ATAD3C: variants seen among roughly 807,000 people sequenced by gnomAD.
ATAD3C encodes ATPase family AAA domain-containing protein 3C.
A neutral mutation model predicts 46.3 loss-of-function variants in ATAD3C; 38 were observed. That is an observed-to-expected ratio of 0.82 (90% confidence interval 0.63 to 1.08). ATAD3C has a LOEUF of 1.08. ATAD3C is among the 50% of genes least tolerant of loss of function. The pLI is 0.00. For missense variants in ATAD3C, 563 were observed against 572.7 expected (o/e 0.98, Z 0.17); for synonymous variants, 220 against 236.4 (o/e 0.93, Z 0.63).
At chr1:1,467,519 T>C (rs1234338101) in intron 11 of ATAD3C, among the ~76,000 whole-genome samples, 5 of 152,024 alleles carry the variant, frequency 3.3e-5, no homozygotes, top group Non-Finnish European at 7.4e-5. Context: ...GTCATCCCCA[T>C]GGCAGGTTCT....
Position 1,459,099 on chromosome 1 carries a change from C to G in ATAD3C, c.742-62C>G, listed in dbSNP as rs1639015073. On this transcript the variant is annotated intron_variant, in intron 8 of 11. Transcript: ENST00000378785. This position sits in a 1 kb window ranked among gnomAD's most constrained non-coding sequence, Gnocchi z 4.9. ...GCAGGAGGGAGGCCTGTGGGACTTT[C>G]TGCTGTGGCTGTTTACAAGGCTTTG... 6.4e-7 allele frequency: 1 copy of G among 1,552,672 alleles called. No individual in the cohort carries two copies. The highest frequency in any genetic ancestry group is 8.7e-7 in the Non-Finnish European group (1 of 1,151,520).
intron 4 of ATAD3C, among the ~76,000 whole-genome samples, chr1:1,455,076 G>A (rs1054248999): frequency 2.6e-5 from 4 of 151,648 alleles, no homozygotes; most frequent in East Asian, 3.9e-4. Context: ...AATTAGCCGG[G>A]CGTGGTGGCG....
At position 1,452,804 on chromosome 1, in the gene ATAD3C, AAAAAAAAG is replaced by A. The variant is rs1451330933; in HGVS notation, c.222+374_222+381del. 8.0e-3 allele frequency among the ~76,000 whole-genome samples: 1,093 copies of A among 136,602 alleles called. 17 individuals carry two copies. Among genetic ancestry groups the A allele is most frequent in the African/African-American group, 0.031 (1,040 of 33,126 alleles). The allele number at this position is 136,602 out of a possible 152,430, so 89.6% of individuals were successfully genotyped here. A position where few individuals can be genotyped will look rare whatever the true frequency, so the allele number is the denominator to read the frequency against. ...CAGAGCGAGGCTCCTTCTCAAAAAA[AAAAAAAAG>A]AAAGAAAGAAAGAAAGAAAAAACAG... On this transcript the variant is annotated intron_variant, in intron 3 of 11. Coordinates refer to ENST00000378785, the MANE Select transcript of ATAD3C (RefSeq NM_001039211.3).
intron 7 of ATAD3C, 147 bp from the exon 8 acceptor site, chr1:1,456,982 T>G (rs932652680): frequency 5.5e-6 from 6 of 1,097,718 alleles, no homozygotes; most frequent in Non-Finnish European, 8.1e-6. Flanking sequence ...GATCAGCTTC[T>G]GTCAGGTCCA....
rs184143958 is a variant in ATAD3C, at chr1:1,462,444, G to A, written c.981-156G>A. The A allele has an allele frequency of 1.1e-3, 846 of 790,428 alleles. 7 individuals carry two copies. The highest frequency in any genetic ancestry group is 0.01 in the African/African-American group (602 of 58,160). 49.0% of individuals were successfully genotyped at this position (790,428 alleles called of 1,614,324 possible). ...CCTGCTCAGCCCAGGCCTGGCTTGC[G>A]TCAGGAAGGGGGCGGAACTTGGCTG... On this transcript the variant is annotated intron_variant, in intron 10 of 11. Coordinates refer to ENST00000378785, the MANE Select transcript of ATAD3C (RefSeq NM_001039211.3). This position sits in a 1 kb window ranked among gnomAD's most constrained non-coding sequence, Gnocchi z 4.5.
At chr1:1,460,402 T>C (rs1570153778) in intron 9 of ATAD3C, among the ~76,000 whole-genome samples, 1 of 151,994 alleles carries the variant, frequency 6.6e-6, no homozygotes, top group Admixed American at 6.6e-5. Context: ...AATCTTGACA[T>C]GGACTCTGGG....
chr1:1,464,204 C>CA (rs1271158156), intron 11 of ATAD3C, among the ~76,000 whole-genome samples: 5,703 of 81,636 alleles, frequency 0.07, 402 homozygotes, highest in African/African-American at 0.21. Flanking sequence ...GAGACTGTCT[C>CA]AAAAAAAAAA....
intron 5 of ATAD3C, 104 bp from the exon 6 acceptor site, chr1:1,455,687 C>G: frequency 1.9e-6 from 3 of 1,565,662 alleles, no homozygotes; most frequent in Non-Finnish European, 2.6e-6. Flanking sequence ...AGCTGGGTGG[C>G]TCCCCGGAGA....
intron 3 of ATAD3C, 65 bp from the exon 4 acceptor site, chr1:1,454,279 GC>G (rs1169144567): frequency 1.3e-6 from 2 of 1,531,162 alleles, no homozygotes; most frequent in Non-Finnish European, 1.8e-6. Flanking sequence ...GCAGCCCCGT[GC>G]GTCTCCTGCT....
intron 11 of ATAD3C, 114 bp from the exon 12 acceptor site, chr1:1,468,270 C>G: frequency 6.9e-7 from 1 of 1,448,590 alleles, no homozygotes; most frequent in Non-Finnish European, 9.1e-7. Context: ...GTGTTTCACG[C>G]TCAGGCCATC....
rs752441562 is a variant in ATAD3C at position 1,468,435 on chromosome 1, G to A, written c.1141G>A (p.Ala381Thr). The change falls in exon 12 of 12, where the codon GCC (alanine) becomes ACC (threonine). Residue 381 changes from alanine (A) to threonine (T), a missense_variant. By Grantham distance (58) the Ala-to-Thr change is moderately conservative. Coordinates refer to ENST00000378785, the MANE Select transcript of ATAD3C (RefSeq NM_001039211.3). ...DGVLTEAMMD[A>T]CVQDFVQQHQ... ...GGTCCTGACCGAGGCCATGATGGAC[G>A]CCTGCGTGCAAGACTTTGTCCAGCA... 2.7e-5 allele frequency: 44 copies of A among 1,612,948 alleles called. 1 individual carries two copies. Among genetic ancestry groups the A allele is most frequent in the African/African-American group, 9.3e-5 (7 of 74,872 alleles).
At position 1,462,852 on chromosome 1, in the gene ATAD3C, C is replaced by T; in HGVS notation, c.1089+144C>T. ...AGTGCACAGATGTGACACGGGGCCC[C>T]TGCCCCAGTTGGGCCACTCCACGCA... On this transcript the variant is annotated intron_variant, in intron 11 of 11. Coordinates refer to ENST00000378785, the MANE Select transcript of ATAD3C (RefSeq NM_001039211.3). The surrounding 1 kb of genome is among the most constrained non-coding windows in gnomAD (Gnocchi z 4.5). The T allele has an allele frequency of 9.4e-7, 1 of 1,058,790 alleles. No homozygotes were observed. Among genetic ancestry groups the T allele is most frequent in the Admixed American group, 2.3e-5 (1 of 42,636 alleles). 65.6% of individuals were successfully genotyped at this position (1,058,790 alleles called of 1,614,324 possible). A position where few individuals can be genotyped will look rare whatever the true frequency, so the allele number is the denominator to read the frequency against.
chr1:1,452,115 T>C lies in ATAD3C; in HGVS notation c.145T>C (p.Ser49Pro). The change falls in exon 2 of 12, where the codon TCC becomes CCC. Residue 49 changes from serine to proline, a missense_variant. Ser to Pro is a moderately conservative substitution (Grantham distance 74). Around this residue, in one of 3 missense-constraint regions of ATAD3C, gnomAD observed 263 missense variants for 243.1 expected, o/e 1.08. Coordinates refer to ENST00000378785, the MANE Select transcript of ATAD3C (RefSeq NM_001039211.3). ...GAAGCACCATCAGACCTTCTTGGAGTCCATCAGGTGAGCGCTGCCGAGGCC... is the reference window on the plus strand; with the variant it reads ...GAAGCACCATCAGACCTTCTTGGAGCCCATCAGGTGAGCGCTGCCGAGGCC... ...VQKHHQTFLE[S>P]IRAAGTLFGE... The C allele has an allele frequency of 1.2e-6, 2 of 1,613,280 alleles. No individual in the cohort carries two copies. Among genetic ancestry groups the C allele is most frequent in the Non-Finnish European group, 1.7e-6 (2 of 1,179,554 alleles).
At position 1,462,548 on chromosome 1, in the gene ATAD3C, G is replaced by A. The variant is rs570847567; in HGVS notation, c.981-52G>A. 2.8e-5 allele frequency: 42 copies of A among 1,507,264 alleles called. No homozygotes were observed. Among genetic ancestry groups the A allele is most frequent in the African/African-American group, 2.2e-4 (16 of 72,886 alleles). 93.4% of individuals were successfully genotyped at this position (1,507,264 alleles called of 1,614,324 possible). ...CTGCCTGTCTTCCGGCCTCCACCTC[G>A]TGGTGTGGGAGCTGCTGCCTTGGCC... On this transcript the variant is annotated intron_variant, in intron 10 of 11. Coordinates refer to ENST00000378785, the MANE Select transcript of ATAD3C (RefSeq NM_001039211.3). This position sits in a 1 kb window ranked among gnomAD's most constrained non-coding sequence, Gnocchi z 4.5.
chr1:1,454,756 T>C (rs1454531473), intron 4 of ATAD3C, among the ~76,000 whole-genome samples: 1 of 151,670 alleles, frequency 6.6e-6, no homozygotes, highest in Non-Finnish European at 1.5e-5. Context: ...TCGGGGTCCT[T>C]GCAAGACCCG....
intron 11 of ATAD3C, among the ~76,000 whole-genome samples, chr1:1,467,138 C>G (rs1246418184): frequency 6.6e-6 from 1 of 152,074 alleles, no homozygotes; most frequent in Non-Finnish European, 1.5e-5. Context: ...CAGAATCCCA[C>G]CCAGGAGGCC....
chr1:1,456,535 CGAG>C lies in ATAD3C; in HGVS notation c.689+188_689+190del, dbSNP rs1173641089. On this transcript the variant is annotated intron_variant, in intron 7 of 11. Transcript: ENST00000378785. ...CCCTGAGTGTGGACCCTGGTGGACA[CGAG>C]GCCCCCAGCGTGTGGAGGCTGCCAG... Among the ~76,000 whole-genome samples the C allele has an allele frequency of 3.3e-5, 5 of 149,400 alleles. No homozygotes were observed. The East Asian group carries it at 8.3e-4, about 25-fold the overall frequency.
At chr1:1,455,314 C>T (rs1365988368) in intron 4 of ATAD3C, 146 bp from the exon 5 acceptor site, 37 of 1,186,250 alleles carry the variant, frequency 3.1e-5, no homozygotes, top group South Asian at 9.0e-5. Flanking sequence ...CCCAGTCTCC[C>T]GGCGGGGCGG....
chr1:1,463,514 C>T (rs771991899), intron 11 of ATAD3C, among the ~76,000 whole-genome samples: 1 of 152,026 alleles, frequency 6.6e-6, no homozygotes, highest in Non-Finnish European at 1.5e-5. Flanking sequence ...GGTTATGCCG[C>T]TGTGACAAAG....
Sources: allele counts gnomAD v4.1 joint callset (sites outside exome capture counted in the v4.1 genomes callset), GRCh38; gene constraint gnomAD v4.1.1; regional missense constraint gnomAD v4.1.1; non-coding constraint Gnocchi (gnomAD v3.1); transcripts MANE v1.5; gene names NCBI Gene and HGNC (gene_info 2026-07-23, HGNC 2026-07-21).